Variants in DPYD observed in about 807,000 individuals in gnomAD.
DPYD encodes the protein dihydropyrimidine dehydrogenase.
In DPYD, 109 loss-of-function variants were observed where a neutral mutation model predicts 116.2. The observed-to-expected ratio is 0.94, with a 90% confidence interval of 0.80 to 1.10. The LOEUF is 1.10. DPYD is among the 50% of genes least tolerant of loss of function. The probability of loss-of-function intolerance (pLI) is 0.00; values close to 1 mark genes in which losing one functional copy is unlikely to be tolerated. For synonymous variants in DPYD, 440 were observed against 432.0 expected, an observed-to-expected ratio of 1.02 and a Z score of -0.23; for missense variants, 1,302 against 1,254.5, an observed-to-expected ratio of 1.04 and a Z score of -0.57.
chr1:97,176,875 T>TGTGTGA (rs1425772694), intron 20 of DPYD, among the ~76,000 whole-genome samples: 1 of 120,952 alleles, frequency 8.3e-6, no homozygotes, highest in East Asian at 3.7e-4. Flanking sequence ...AAAATGTGTG[T>TGTGTGA]GTGTGTGTGT....
At chr1:97,851,710 G>GA (rs67006071) in intron 2 of DPYD, among the ~76,000 whole-genome samples, 24 of 143,870 alleles carry the variant, frequency 1.7e-4, no homozygotes, top group Middle Eastern at 3.5e-3. Context: ...CAGTAGCAAA[G>GA]AAAAAAAAAA....
chr1:97,593,067 C>A, intron 10 of DPYD, 151 bp downstream of exon 10: 1 of 894,904 alleles, frequency 1.1e-6, no homozygotes, highest in Non-Finnish European at 1.7e-6. Flanking sequence ...CTTGGAATGT[C>A]TGAATTAGAA....
chr1:97,396,297 C>T (rs1673002833), intron 14 of DPYD, among the ~76,000 whole-genome samples: 1 of 151,612 alleles, frequency 6.6e-6, no homozygotes, highest in Non-Finnish European at 1.5e-5. Context: ...AGAGTAGATA[C>T]AAAGCTTGAT....
At chr1:97,447,039 A>G (rs1676125624) in intron 14 of DPYD, among the ~76,000 whole-genome samples, 1 of 152,068 alleles carries the variant, frequency 6.6e-6, no homozygotes, top group Non-Finnish European at 1.5e-5. Context: ...CCCTCACAAT[A>G]TATTTCAGAG....
intron 5 of DPYD, chr1:97,720,442 CTAATGCAA>C (rs1291767792): frequency 2.3e-5 from 23 of 990,874 alleles, no homozygotes; most frequent in Non-Finnish European, 2.5e-5. Context: ...TCAGGTAAGC[CTAATGCAA>C]TTTTGAATTT....
intron 8 of DPYD, among the ~76,000 whole-genome samples, chr1:97,599,860 CAAAAAAAAAAAAAAAAAAAAA>C (rs56940277): frequency 1.1e-4 from 4 of 36,442 alleles, no homozygotes; most frequent in South Asian, 2.3e-3. Flanking sequence ...CCCATCTCCA[CAAAAAAAAAAAAAAAAAAAAA>C]AAAAAAAAAA....
chr1:97,368,843 T>G (rs1671172260), intron 16 of DPYD, among the ~76,000 whole-genome samples: 1 of 152,246 alleles, frequency 6.6e-6, no homozygotes, highest in Admixed American at 6.5e-5. Flanking sequence ...AGGAGCCTAG[T>G]TAAGGTCTAC....
intron 18 of DPYD, among the ~76,000 whole-genome samples, chr1:97,272,152 T>A (rs1256353730): frequency 6.6e-6 from 1 of 152,168 alleles, no homozygotes; most frequent in Non-Finnish European, 1.5e-5. Context: ...TGTTTACTTT[T>A]TCTCTACTTT....
At chr1:97,133,184 C>G (rs2101674239) in intron 20 of DPYD, among the ~76,000 whole-genome samples, 1 of 152,040 alleles carries the variant, frequency 6.6e-6, no homozygotes, top group Non-Finnish European at 1.5e-5. Flanking sequence ...AATTCTGCCA[C>G]ACTTATTATA....
At chr1:97,324,301 G>A (rs891014181) in intron 16 of DPYD, among the ~76,000 whole-genome samples, 3 of 151,946 alleles carry the variant, frequency 2.0e-5, no homozygotes, top group African/African-American at 7.2e-5. Flanking sequence ...CAGGCAGTTG[G>A]CCACTATCCA....
intron 18 of DPYD, among the ~76,000 whole-genome samples, chr1:97,289,890 G>T (rs1304392970): frequency 6.6e-6 from 1 of 151,692 alleles, no homozygotes; most frequent in Non-Finnish European, 1.5e-5. Context: ...AAAAGAGGAA[G>T]TCAAATTGTC....
chr1:97,244,168 T>C (rs745929915), intron 18 of DPYD, among the ~76,000 whole-genome samples: 1 of 152,032 alleles, frequency 6.6e-6, no homozygotes, highest in Non-Finnish European at 1.5e-5. Flanking sequence ...CTACACTTAT[T>C]AAACAACTCA....
At chr1:97,173,283 C>CATATGTACAT (rs760885091) in intron 20 of DPYD, among the ~76,000 whole-genome samples, 4,018 of 120,276 alleles carry the variant, frequency 0.033, 170 homozygotes, top group African/African-American at 0.099. Context: ...TATATGCACA[C>CATATGTACAT]ATATATGTAC....
At chr1:97,616,793 A>G (rs1160993062) in intron 8 of DPYD, among the ~76,000 whole-genome samples, 1 of 152,230 alleles carries the variant, frequency 6.6e-6, no homozygotes, top group African/African-American at 2.4e-5. Flanking sequence ...GTTATGTACA[A>G]AAAGAAAACT....
At chr1:97,831,053 G>A (rs1669517527) in intron 2 of DPYD, among the ~76,000 whole-genome samples, 1 of 152,146 alleles carries the variant, frequency 6.6e-6, no homozygotes, top group Non-Finnish European at 1.5e-5. Flanking sequence ...GAACAACAAA[G>A]GAAATAAGTA....
chr1:97,210,523 A>G (rs540027098), intron 19 of DPYD, among the ~76,000 whole-genome samples: 18 of 152,262 alleles, frequency 1.2e-4, no homozygotes, highest in African/African-American at 4.3e-4. Context: ...TCTGTCCACA[A>G]GCAAGTATGC....
At chr1:97,173,216 A>T (rs1210162853) in intron 20 of DPYD, among the ~76,000 whole-genome samples, 3 of 136,082 alleles carry the variant, frequency 2.2e-5, no homozygotes, top group Non-Finnish European at 3.2e-5. Flanking sequence ...ATATATACAC[A>T]TATACGTACA....
chr1:97,121,804 C>A (rs761238171), intron 20 of DPYD, among the ~76,000 whole-genome samples: 27 of 151,952 alleles, frequency 1.8e-4, no homozygotes, highest in Non-Finnish European at 3.1e-4. Flanking sequence ...TTGGTTTGGG[C>A]TCGAAAAAAG....
At chr1:97,716,707 G>A (rs191551230) in intron 5 of DPYD, among the ~76,000 whole-genome samples, 63 of 152,054 alleles carry the variant, frequency 4.1e-4, no homozygotes, top group Admixed American at 6.6e-4. Flanking sequence ...AAACAGATGA[G>A]AAAGTTTCTA....
Sources: gnomAD v4.1 joint callset for allele counts (sites outside exome capture counted in the v4.1 genomes callset) on GRCh38, gnomAD v4.1.1 for gene constraint, MANE v1.5 for transcripts, NCBI Gene and HGNC (gene_info 2026-07-23, HGNC 2026-07-21) for gene names.